Variants in RARB observed in about 807,000 individuals in gnomAD.
The protein encoded by RARB is retinoic acid receptor beta.
In RARB, 17 loss-of-function variants were observed where a neutral mutation model predicts 51.9. That is an observed-to-expected ratio of 0.33 (90% CI 0.22 to 0.49). The LOEUF (loss-of-function observed/expected upper bound fraction) is 0.49, where lower values mean the gene tolerates loss of function less well. RARB is among the 20% of genes least tolerant of loss of function. RARB has a pLI of 0.99. For synonymous variants in RARB, 215 were observed against 195.4 expected (o/e 1.10, Z -0.84); for missense variants, 369 against 550.8 (o/e 0.67, Z 3.30).
chr3:25,118,226 C>T (rs767884921), intron 3 of RARB, among the ~76,000 whole-genome samples: 4 of 152,142 alleles, frequency 2.6e-5, no homozygotes, highest in Non-Finnish European at 4.4e-5. Context: ...CTTTCCTATA[C>T]AGTTCCCCAA....
At chr3:25,283,051 G>A (rs1336870417) in intron 5 of RARB, among the ~76,000 whole-genome samples, 1 of 152,200 alleles carries the variant, frequency 6.6e-6, no homozygotes, top group Non-Finnish European at 1.5e-5. Context: ...TGGCCACGCA[G>A]AGTGGTTATG....
At chr3:24,902,166 A>G (rs1171770199) in intron 2 of RARB, among the ~76,000 whole-genome samples, 5 of 152,194 alleles carry the variant, frequency 3.3e-5, no homozygotes, top group African/African-American at 1.2e-4. Flanking sequence ...GCTTGTCCAC[A>G]TTCCTACGTC....
intron 1 of RARB, among the ~76,000 whole-genome samples, chr3:25,430,643 C>T (rs918233250): frequency 6.6e-6 from 1 of 152,154 alleles, no homozygotes; most frequent in East Asian, 1.9e-4. Context: ...CTAGGGAGAG[C>T]GAGCGGTGAA....
intron 5 of RARB, among the ~76,000 whole-genome samples, chr3:25,298,751 T>C (rs1284286508): frequency 1.3e-5 from 2 of 152,116 alleles, no homozygotes; most frequent in Non-Finnish European, 2.9e-5. Context: ...AGGATGAGAA[T>C]TGGAGCATTC....
Position 25,237,882 on chromosome 3 carries a change from CT to C in RARB, c.178+63316del, listed in dbSNP as rs796278487. ...ATATATGGTCTGTTGTGACTGGCTT[CT>C]TTTTTTTTATTGATACATAATATTT... On this transcript the variant is annotated intron_variant, in intron 5 of 11. Transcript: ENST00000383772. 2.7e-3 allele frequency among the ~76,000 whole-genome samples: 404 copies of C among 150,830 alleles called. 1 individual carries two copies. The highest frequency in any genetic ancestry group is 7.6e-3 in the African/African-American group (314 of 41,198).
At chr3:25,171,150 G>A (rs547201527) in intron 4 of RARB, among the ~76,000 whole-genome samples, 1 of 151,868 alleles carries the variant, frequency 6.6e-6, no homozygotes, top group South Asian at 2.1e-4. Context: ...AGAATCTCTT[G>A]GCTGGTAGAT....
chr3:25,068,757 A>C (rs1264420967), intron 3 of RARB, among the ~76,000 whole-genome samples: 1 of 152,176 alleles, frequency 6.6e-6, no homozygotes. Context: ...AGCACCATCT[A>C]TAATGGAGGC....
intron 2 of RARB, among the ~76,000 whole-genome samples, chr3:24,979,960 C>G (rs1233776355): frequency 1.3e-5 from 2 of 152,092 alleles, no homozygotes; most frequent in Non-Finnish European, 2.9e-5. Context: ...GTAAGGCAGG[C>G]CTGGTGGTGA....
chr3:24,978,345 G>C (rs1028086079), intron 2 of RARB, among the ~76,000 whole-genome samples: 1 of 152,064 alleles, frequency 6.6e-6, no homozygotes, highest in East Asian at 1.9e-4. Flanking sequence ...GCTCCTTTTT[G>C]TACCTCTGGT....
intron 5 of RARB, among the ~76,000 whole-genome samples, chr3:25,235,697 T>C (rs1381178729): frequency 1.3e-5 from 2 of 152,190 alleles, no homozygotes; most frequent in African/African-American, 4.8e-5. Flanking sequence ...TACAGGGTAA[T>C]AGGGCAGAAT....
chr3:25,148,220 A>G (rs1380838204), intron 4 of RARB, among the ~76,000 whole-genome samples: 1 of 151,842 alleles, frequency 6.6e-6, no homozygotes, highest in Non-Finnish European at 1.5e-5. Context: ...TGAATGAGCC[A>G]ATCAGGGGGG....
intron 2 of RARB, among the ~76,000 whole-genome samples, chr3:25,003,162 G>A (rs1697202269): frequency 6.9e-6 from 1 of 145,310 alleles, no homozygotes; most frequent in African/African-American, 2.6e-5. Flanking sequence ...AACTCTGCTT[G>A]AATTGTTGTT....
intron 2 of RARB, among the ~76,000 whole-genome samples, chr3:24,917,463 A>ATT (rs1168769638): frequency 6.6e-6 from 1 of 152,254 alleles, no homozygotes; most frequent in African/African-American, 2.4e-5. Context: ...GGACAACTTA[A>ATT]TTAGGTATGG....
At chr3:24,917,866 C>T (rs1695138546) in intron 2 of RARB, among the ~76,000 whole-genome samples, 1 of 152,182 alleles carries the variant, frequency 6.6e-6, no homozygotes, top group Non-Finnish European at 1.5e-5. Flanking sequence ...GTCTACTTCA[C>T]ACCCACTAGA....
intron 1 of RARB, 133 bp downstream of exon 1, chr3:25,429,021 A>T: frequency 8.7e-7 from 1 of 1,146,576 alleles, no homozygotes; most frequent in Non-Finnish European, 1.2e-6. Context: ...AAGGGGTGTG[A>T]TATGCTGGCA....
Position 25,515,402 on chromosome 3 carries a change from G to T in RARB, c.448+14079G>T, listed in dbSNP as rs566106290. Among the ~76,000 whole-genome samples, 8 of 152,240 alleles carry T rather than the reference G, an allele frequency of 5.3e-5. No homozygotes were observed. In the East Asian group the frequency reaches 1.5e-3, roughly 29 times the overall value. ...AAGCTAAACATACCAATATGACTGAGTGGTTATATTCCTGGGAACATACTC... is the reference window on the plus strand; with the variant it reads ...AAGCTAAACATACCAATATGACTGATTGGTTATATTCCTGGGAACATACTC... On this transcript the variant is annotated intron_variant, in intron 3 of 7. Coordinates refer to ENST00000330688, the MANE Select transcript of RARB (RefSeq NM_000965.5).
At chr3:25,115,446 A>G (rs1699669601) in intron 3 of RARB, among the ~76,000 whole-genome samples, 1 of 152,170 alleles carries the variant, frequency 6.6e-6, no homozygotes. Context: ...TTAATATAAT[A>G]CAAAAGATGG....
chr3:24,882,899 G>A (rs1703195146), intron 2 of RARB, among the ~76,000 whole-genome samples: 1 of 152,186 alleles, frequency 6.6e-6, no homozygotes. Flanking sequence ...ACACCTAGTT[G>A]GGAGAGTCTT....
chr3:25,404,215 G>T (rs1707343508), intron 5 of RARB, among the ~76,000 whole-genome samples: 1 of 152,080 alleles, frequency 6.6e-6, no homozygotes. Context: ...CTTTCCAGGG[G>T]ACCTTCTCAC....
Sources: gnomAD v4.1 joint callset for allele counts (sites outside exome capture counted in the v4.1 genomes callset) on GRCh38, gnomAD v4.1.1 for gene constraint, MANE v1.5 for transcripts, NCBI Gene and HGNC (gene_info 2026-07-23, HGNC 2026-07-21) for gene names.